The following PTPRJ variants were observed in gnomAD, a reference collection of about 807,000 sequenced individuals.
PTPRJ encodes the protein protein tyrosine phosphatase receptor type J.
PTPRJ carries 129 observed loss-of-function variants against 141.3 expected under a neutral mutation model. That is an observed-to-expected ratio of 0.91 (90% CI 0.79 to 1.06). The LOEUF is 1.06. Ranked by LOEUF, PTPRJ falls within the 50% of genes least tolerant of loss-of-function variation. The probability of loss-of-function intolerance (pLI) is 0.00; values close to 1 mark genes in which losing one functional copy is unlikely to be tolerated. For synonymous variants in PTPRJ, 610 were observed against 640.5 expected (o/e 0.95, Z 0.72); for missense variants, 1,601 against 1,679.7 (o/e 0.95, Z 0.82).
chr11:48,005,945 A>C (rs1854609681), intron 1 of PTPRJ, among the ~76,000 whole-genome samples: 1 of 152,238 alleles, frequency 6.6e-6, no homozygotes. Context: ...TCCGGCTCTT[A>C]GCCAGCTTGC....
At chr11:48,021,301 G>T (rs1010443413) in intron 1 of PTPRJ, among the ~76,000 whole-genome samples, 1 of 151,916 alleles carries the variant, frequency 6.6e-6, no homozygotes, top group Non-Finnish European at 1.5e-5. Flanking sequence ...TTGAACCCAG[G>T]AGGCGGAGGT....
chr11:48,149,385 C>A, intron 15 of PTPRJ, 62 bp from the exon 16 acceptor site: 2 of 1,141,468 alleles, frequency 1.8e-6, no homozygotes, highest in Non-Finnish European at 2.6e-6. Context: ...TCCAGATACA[C>A]AAGGGAAAAG....
At position 48,130,553 on chromosome 11, in the gene PTPRJ, G is replaced by A; in HGVS notation, c.1452G>A (p.Met484Ile). The A allele has an allele frequency of 6.2e-7, 1 of 1,614,114 alleles. No homozygotes were observed. The highest frequency in any genetic ancestry group is 2.2e-5 in the East Asian group (1 of 44,868). Residue 484 changes from methionine to isoleucine, a missense_variant, in exon 8 of 25, where the codon ATG (methionine) becomes ATA (isoleucine). Physicochemically the swap from Met to Ile is conservative, Grantham distance 10. Transcript: ENST00000418331. ...GCCATGATGCAGAATCATTTCAGAT[G>A]CATATCACACAGGAGGGAGCTGGCA... ...WSSHDAESFQMHITQEGAGNS... is the reference protein window; with the variant it reads ...WSSHDAESFQIHITQEGAGNS...
At chr11:48,133,655 C>T (rs1857026996) in intron 8 of PTPRJ, among the ~76,000 whole-genome samples, 2 of 152,196 alleles carry the variant, frequency 1.3e-5, no homozygotes, top group African/African-American at 2.4e-5. Flanking sequence ...GTTATTTGTA[C>T]ATCAGTGTTC....
chr11:47,993,247 A>T (rs1854242320), intron 1 of PTPRJ, among the ~76,000 whole-genome samples: 1 of 152,088 alleles, frequency 6.6e-6, no homozygotes, highest in Non-Finnish European at 1.5e-5. Flanking sequence ...TCCTTTGGTA[A>T]ATGGATTTGG....
chr11:48,062,151 G>A (rs61914726), intron 1 of PTPRJ, among the ~76,000 whole-genome samples: 4,570 of 150,206 alleles, frequency 0.03, 104 homozygotes, highest in Non-Finnish European at 0.046. Context: ...TGCCTGCCTC[G>A]GCCTCACAAA....
At chr11:48,125,333 G>T (rs1179492032) in intron 6 of PTPRJ, 147 bp downstream of exon 6, 1 of 788,960 alleles carries the variant, frequency 1.3e-6, no homozygotes, top group Non-Finnish European at 2.1e-6. Context: ...GGACAGAGCA[G>T]ATCTGCTCAG....
At chr11:48,157,179 G>A (rs1857633318) in intron 21 of PTPRJ, among the ~76,000 whole-genome samples, 1 of 152,062 alleles carries the variant, frequency 6.6e-6, no homozygotes, top group African/African-American at 2.4e-5. Context: ...AGTAGAGACA[G>A]GGTTTCACTA....
At chr11:48,063,918 ATGTGTGTGTGTG>A (rs113736420) in intron 1 of PTPRJ, among the ~76,000 whole-genome samples, 61 of 147,578 alleles carry the variant, frequency 4.1e-4, no homozygotes, top group African/African-American at 1.4e-3. Context: ...TTCTCAGCTT[ATGTGTGTGTGTG>A]TGTGTGTGTG....
intron 6 of PTPRJ, among the ~76,000 whole-genome samples, chr11:48,126,734 A>G (rs544278906): frequency 6.6e-6 from 1 of 151,854 alleles, no homozygotes; most frequent in African/African-American, 2.4e-5. Flanking sequence ...TACAATTTCA[A>G]CATAGGAATT....
chr11:48,119,018 C>CAAAAAA (rs59349969), intron 3 of PTPRJ, among the ~76,000 whole-genome samples: 8 of 87,046 alleles, frequency 9.2e-5, no homozygotes, highest in Admixed American at 1.6e-4. Flanking sequence ...GACTTCGTCT[C>CAAAAAA]AAAAAAAAAA....
chr11:48,081,997 G>A (rs996460490), intron 1 of PTPRJ, among the ~76,000 whole-genome samples: 1 of 152,188 alleles, frequency 6.6e-6, no homozygotes, highest in Non-Finnish European at 1.5e-5. Flanking sequence ...CAAGGGCTTG[G>A]TCTTTCTTCT....
At chr11:48,081,767 G>C (rs75901134) in intron 1 of PTPRJ, among the ~76,000 whole-genome samples, 6 of 151,952 alleles carry the variant, frequency 3.9e-5, no homozygotes, top group Admixed American at 3.9e-4. Context: ...TAAAATGGGT[G>C]GGGGGAAGGG....
Position 47,997,492 on chromosome 11 carries a change from C to T in PTPRJ, c.96+16484C>T, listed in dbSNP as rs1282634806. Among the ~76,000 whole-genome samples the T allele has an allele frequency of 2.0e-5, 3 of 152,334 alleles. No individual in the cohort carries two copies. The East Asian group carries it at 5.8e-4, about 29-fold the overall frequency. On this transcript the variant is annotated intron_variant, in intron 1 of 24. Transcript: ENST00000418331. ...TCGACTCCCTTCTCATTCACTGAGT[C>T]CTTTTTCGGGAGCTTTGGCCGAGTT...
intron 1 of PTPRJ, among the ~76,000 whole-genome samples, chr11:48,024,621 G>A (rs1340279326): frequency 6.6e-6 from 1 of 152,218 alleles, no homozygotes; most frequent in African/African-American, 2.4e-5. Context: ...GTTGCTAATG[G>A]GAATGAGTGT....
At chr11:48,026,483 C>CTT (rs35392576) in intron 1 of PTPRJ, among the ~76,000 whole-genome samples, 2 of 142,686 alleles carry the variant, frequency 1.4e-5, no homozygotes, top group Non-Finnish European at 1.5e-5. Flanking sequence ...AATGTTAGGA[C>CTT]TTTTTTTTTT....
intron 8 of PTPRJ, among the ~76,000 whole-genome samples, chr11:48,133,886 A>T (rs1262471220): frequency 1.3e-5 from 2 of 152,236 alleles, no homozygotes; most frequent in Admixed American, 6.5e-5. Context: ...CACTTACATG[A>T]GTACCTAGAT....
At chr11:48,032,356 G>A (rs931980069) in intron 1 of PTPRJ, among the ~76,000 whole-genome samples, 2 of 152,212 alleles carry the variant, frequency 1.3e-5, no homozygotes, top group Non-Finnish European at 2.9e-5. Context: ...CGGCTACAGA[G>A]GACTTCTCAG....
chr11:48,051,539 G>C (rs1161203998), intron 1 of PTPRJ, among the ~76,000 whole-genome samples: 1 of 152,184 alleles, frequency 6.6e-6, no homozygotes, highest in Non-Finnish European at 1.5e-5. Context: ...AGGTTTTCCA[G>C]GTCACAGTGG....
Sources: allele counts gnomAD v4.1 joint callset (sites outside exome capture counted in the v4.1 genomes callset), GRCh38; gene constraint gnomAD v4.1.1; transcripts MANE v1.5; gene names NCBI Gene and HGNC (gene_info 2026-07-23, HGNC 2026-07-21).